The following DLGAP2 variants were observed in gnomAD, a reference collection of about 807,000 sequenced individuals.
DLGAP2 encodes the protein DLG associated protein 2, also known as disks large-associated protein 2.
In DLGAP2, 26 loss-of-function variants were observed where a neutral mutation model predicts 100.3. The observed-to-expected ratio is 0.26, with a 90% confidence interval of 0.19 to 0.36. DLGAP2 has a LOEUF of 0.36. Among genes scored for constraint, DLGAP2 ranks in the 10% least tolerant of loss-of-function variants. DLGAP2 has a pLI of 1.00. For missense variants in DLGAP2, 1,858 were observed against 1,453.2 expected, an observed-to-expected ratio of 1.28 and a Z score of -4.53; for synonymous variants, 886 against 630.1, an observed-to-expected ratio of 1.41 and a Z score of -6.08.
chr8:1,575,546 G>A (rs1199276090), intron 6 of DLGAP2, among the ~76,000 whole-genome samples: 2 of 150,140 alleles, frequency 1.3e-5, no homozygotes, highest in East Asian at 4.0e-4. Flanking sequence ...GTATACATGT[G>A]CCATGTTGGT....
intron 2 of DLGAP2, chr8:1,002,904 G>T (rs918483352): frequency 1.3e-5 from 2 of 152,242 alleles, no homozygotes; most frequent in Non-Finnish European, 2.9e-5. Context: ...CCAACGACTA[G>T]AACCAATAAT....
intron 6 of DLGAP2, among the ~76,000 whole-genome samples, chr8:1,623,971 TCA>T: frequency 6.6e-6 from 1 of 152,294 alleles, no homozygotes; most frequent in South Asian, 2.1e-4. Context: ...AAACATAGAC[TCA>T]CAAAATACAT....
intron 2 of DLGAP2, among the ~76,000 whole-genome samples, chr8:1,114,625 C>G (rs1805060657): frequency 1.3e-5 from 2 of 151,348 alleles, no homozygotes; most frequent in African/African-American, 4.9e-5. Context: ...GCCTATCTTA[C>G]TAATTTTTTT....
chr8:1,196,918 G>T (rs1297351731), intron 2 of DLGAP2, among the ~76,000 whole-genome samples: 1 of 152,162 alleles, frequency 6.6e-6, no homozygotes, highest in Non-Finnish European at 1.5e-5. Flanking sequence ...CTGTGATTAT[G>T]GGGGCTGAGA....
intron 1 of DLGAP2, among the ~76,000 whole-genome samples, chr8:804,944 G>GT (rs1453395116): frequency 4.0e-5 from 6 of 151,774 alleles, no homozygotes; most frequent in East Asian, 3.9e-4. Flanking sequence ...TTTTTTGTTT[G>GT]TTTTTTTGTA....
At chr8:1,232,361 C>A (rs1798554301) in intron 2 of DLGAP2, among the ~76,000 whole-genome samples, 1 of 152,196 alleles carries the variant, frequency 6.6e-6, no homozygotes, top group South Asian at 2.1e-4. Flanking sequence ...CTTTTTGGGG[C>A]CAACATGAGC....
chr8:1,575,530 A>C (rs974433631), intron 6 of DLGAP2, among the ~76,000 whole-genome samples: 2 of 150,310 alleles, frequency 1.3e-5, no homozygotes, highest in African/African-American at 4.9e-5. Flanking sequence ...CAGGTTTGCT[A>C]CATATGTATA....
chr8:797,205 G>A (rs552751558), intron 1 of DLGAP2, among the ~76,000 whole-genome samples: 59 of 152,280 alleles, frequency 3.9e-4, no homozygotes, highest in Non-Finnish European at 6.3e-4. Flanking sequence ...CTGTGTGCCC[G>A]TTCCTGGAAG....
At chr8:1,082,811 T>C (rs561997183) in intron 2 of DLGAP2, among the ~76,000 whole-genome samples, 45 of 152,330 alleles carry the variant, frequency 3.0e-4, no homozygotes, top group Middle Eastern at 6.8e-3. Flanking sequence ...TAATTTGGTT[T>C]GGGAAAGTAG....
chr8:1,413,291 G>A (rs1796786383), intron 3 of DLGAP2, among the ~76,000 whole-genome samples: 1 of 152,136 alleles, frequency 6.6e-6, no homozygotes, highest in African/African-American at 2.4e-5. Context: ...TAGAAGGATG[G>A]GAAGCAGAAT....
chr8:857,891 A>G (rs1406137055), intron 1 of DLGAP2, among the ~76,000 whole-genome samples: 2 of 150,094 alleles, frequency 1.3e-5, no homozygotes, highest in South Asian at 4.2e-4. Flanking sequence ...TTTTTTTGAG[A>G]CGGAGCCTCG....
intron 1 of DLGAP2, among the ~76,000 whole-genome samples, chr8:875,610 T>C (rs1797675508): frequency 6.6e-6 from 1 of 152,262 alleles, no homozygotes; most frequent in South Asian, 2.1e-4. Context: ...GTGAGTCAAT[T>C]AAACCTCTTT....
chr8:1,385,213 G>A (rs1327429037), intron 3 of DLGAP2, among the ~76,000 whole-genome samples: 1 of 62,606 alleles, frequency 1.6e-5, no homozygotes, highest in Non-Finnish European at 3.7e-5. Context: ...CAGTTACCCC[G>A]GCCTATGCCC....
chr8:1,591,417 G>C (rs1370925913), intron 6 of DLGAP2, among the ~76,000 whole-genome samples: 1 of 152,150 alleles, frequency 6.6e-6, no homozygotes, highest in Non-Finnish European at 1.5e-5. Context: ...GCTTCTCTAA[G>C]ACTGGACGTT....
chr8:1,017,643 T>C (rs79596051), intron 2 of DLGAP2, among the ~76,000 whole-genome samples: 56 of 139,366 alleles, frequency 4.0e-4, no homozygotes, highest in African/African-American at 5.3e-4. Context: ...CCGGGACAGA[T>C]GACACCTCCA....
chr8:1,026,216 C>G, intron 2 of DLGAP2, among the ~76,000 whole-genome samples: 1 of 152,192 alleles, frequency 6.6e-6, no homozygotes, highest in East Asian at 1.9e-4. Context: ...CGTGCTGTCT[C>G]GTTGGTGGAG....
At chr8:1,236,135 G>A (rs1221324714) in intron 2 of DLGAP2, among the ~76,000 whole-genome samples, 8 of 88,134 alleles carry the variant, frequency 9.1e-5, no homozygotes, top group African/African-American at 3.1e-4. Context: ...ACATGTTGCC[G>A]TGTCTAGTTC....
intron 8 of DLGAP2, among the ~76,000 whole-genome samples, chr8:1,666,083 A>G (rs907193949): frequency 3.9e-5 from 6 of 152,130 alleles, no homozygotes; most frequent in African/African-American, 1.4e-4. Flanking sequence ...GAAAAACGAA[A>G]TATTTCCTAA....
At chr8:1,206,449 G>A (rs376776645) in intron 2 of DLGAP2, among the ~76,000 whole-genome samples, 454 of 148,676 alleles carry the variant, frequency 3.1e-3, no homozygotes, top group African/African-American at 7.3e-3. Context: ...TCCGTGGACT[G>A]GGGTAGACTG....
Sources: allele counts gnomAD v4.1 joint callset (sites outside exome capture counted in the v4.1 genomes callset), GRCh38; gene constraint gnomAD v4.1.1; transcripts MANE v1.5; gene names NCBI Gene and HGNC (gene_info 2026-07-23, HGNC 2026-07-21).